The following SUMF1 variants were observed in gnomAD, a reference collection of about 807,000 sequenced individuals.
SUMF1 encodes the protein formylglycine-generating enzyme.
A neutral mutation model predicts 47.6 loss-of-function variants in SUMF1; 48 were observed. The ratio of observed to expected loss-of-function variants is 1.01; its 90% CI spans 0.80 to 1.28. The LOEUF (loss-of-function observed/expected upper bound fraction) is 1.28, where lower values mean the gene tolerates loss of function less well. Ranked by LOEUF, SUMF1 falls within the 50% of genes most tolerant of loss-of-function variation. The probability of loss-of-function intolerance (pLI) is 0.00; values close to 1 mark genes in which losing one functional copy is unlikely to be tolerated. For synonymous variants in SUMF1, 230 were observed against 192.1 expected (o/e 1.20, Z -1.63); for missense variants, 571 against 485.4 (o/e 1.18, Z -1.66).
At chr3:4,148,620 C>A (rs1426615078) in intron 8 of SUMF1, among the ~76,000 whole-genome samples, 4 of 152,184 alleles carry the variant, frequency 2.6e-5, no homozygotes, top group Non-Finnish European at 5.9e-5. Flanking sequence ...CTCCTTCTTA[C>A]TACAACTCAT....
rs1262538742 is a variant in SUMF1, at chr3:4,439,305, C to T, written c.519+9961G>A. On this transcript the variant is annotated intron_variant, in intron 3 of 8. Transcript: ENST00000272902. The stretch of plus-strand genomic sequence containing the variant: ...TTAGGAGGCTGAGGCAGGCGGATCG[C>T]TTGAACTCAGGAGTTTGGGAACAGC... Among the ~76,000 whole-genome samples the T allele has an allele frequency of 2.0e-5, 3 of 152,154 alleles. No homozygotes were observed. In the South Asian group the frequency reaches 6.2e-4, roughly 32 times the overall value.
chr3:4,461,820 CA>C (rs1184639591), intron 1 of SUMF1, among the ~76,000 whole-genome samples: 2 of 152,128 alleles, frequency 1.3e-5, no homozygotes, highest in African/African-American at 4.8e-5. Context: ...ACCAGAGAAC[CA>C]AGTGTCTCAC....
intron 8 of SUMF1, among the ~76,000 whole-genome samples, chr3:4,335,960 C>CAAAAAAAAAAAAAAAAAAAAAAAAAAAAA (rs770091674): frequency 9.5e-5 from 7 of 73,904 alleles, no homozygotes; most frequent in African/African-American, 5.0e-4. Flanking sequence ...GATTCCAACT[C>CAAAAAAAAAAAAAAAAAAAAAAAAAAAAA]AAAAAAAAAA....
intron 8 of SUMF1, among the ~76,000 whole-genome samples, chr3:4,228,429 G>A (rs1014074192): frequency 1.8e-4 from 28 of 151,848 alleles, no homozygotes; most frequent in Non-Finnish European, 7.4e-5. Flanking sequence ...GATGGCAAGT[G>A]ACAGAATACT....
chr3:4,214,038 C>A (rs980197860), intron 8 of SUMF1, among the ~76,000 whole-genome samples: 2 of 152,120 alleles, frequency 1.3e-5, no homozygotes, highest in African/African-American at 2.4e-5. Context: ...AGGACTTGAA[C>A]TCAGCTCTGG....
rs116694603 is a variant in SUMF1, at chr3:4,292,318, G to A, written c.1014+84012C>T. On this transcript the variant is annotated intron_variant and NMD_transcript_variant, in intron 8 of 12. Coordinates refer to the SUMF1 transcript ENST00000448413. Reference sequence around the variant, plus strand: ...GTCTTAAGTCATTGATTAAACGCAAGGCGTTTTGTTTAGTGGAATTTCTAC... The same window carrying A: ...GTCTTAAGTCATTGATTAAACGCAAAGCGTTTTGTTTAGTGGAATTTCTAC... Among the ~76,000 whole-genome samples the A allele has an allele frequency of 4.8e-3, 738 of 152,304 alleles. 8 individuals carry two copies. The highest frequency in any genetic ancestry group is 0.017 in the African/African-American group (715 of 41,572).
intron 8 of SUMF1, among the ~76,000 whole-genome samples, chr3:4,198,181 A>G (rs952894736): frequency 2.0e-5 from 3 of 152,234 alleles, no homozygotes; most frequent in East Asian, 1.9e-4. Flanking sequence ...CAGTGAAGGT[A>G]TAAACAAAGA....
chr3:4,107,170 A>T lies in SUMF1; in HGVS notation c.1015-38425T>A, dbSNP rs1431507044. On this transcript the variant is annotated intron_variant and NMD_transcript_variant, in intron 8 of 12. Transcript: ENST00000448413. Reference sequence around the variant, plus strand: ...GGTGTCACTAAACTCTAAGTTGAGAATTGTTCTTGGTTTTCAGATAAACAG... The same window carrying T: ...GGTGTCACTAAACTCTAAGTTGAGATTTGTTCTTGGTTTTCAGATAAACAG... Among the ~76,000 whole-genome samples, 4 of 152,202 alleles carry T rather than the reference A, an allele frequency of 2.6e-5. No individual in the cohort carries two copies. The East Asian group carries it at 7.7e-4, about 29-fold the overall frequency.
At chr3:4,339,964 C>A (rs1391709301) in intron 8 of SUMF1, among the ~76,000 whole-genome samples, 4 of 152,066 alleles carry the variant, frequency 2.6e-5, no homozygotes, top group African/African-American at 9.7e-5. Flanking sequence ...GTGGTCCCAG[C>A]CACTCGGGAG....
intron 8 of SUMF1, among the ~76,000 whole-genome samples, chr3:4,174,591 G>A (rs191615709): frequency 4.9e-4 from 74 of 152,076 alleles, no homozygotes; most frequent in African/African-American, 1.6e-3. Flanking sequence ...AATAGGAACA[G>A]CTCCAATCTG....
downstream of SUMF1, among the ~76,000 whole-genome samples, chr3:4,358,521 C>G (rs1699672750): frequency 6.6e-6 from 1 of 152,172 alleles, no homozygotes; most frequent in Non-Finnish European, 1.5e-5. Context: ...CATGTTGGAT[C>G]ACATGTGGTT....
chr3:4,038,683 T>A (rs1216744405), intron 9 of SUMF1, among the ~76,000 whole-genome samples: 1 of 152,072 alleles, frequency 6.6e-6, no homozygotes, highest in Non-Finnish European at 1.5e-5. Flanking sequence ...TAAGCTCAGG[T>A]GTAGCCCTCA....
At chr3:4,417,927 G>A in intron 5 of SUMF1, 83 bp downstream of exon 5, 1 of 1,604,864 alleles carries the variant, frequency 6.2e-7, no homozygotes, top group African/African-American at 1.3e-5. Flanking sequence ...TCTAACCAAA[G>A]TAAGTTCCAT....
intron 8 of SUMF1, among the ~76,000 whole-genome samples, chr3:4,102,946 G>A (rs1312218302): frequency 1.3e-5 from 2 of 150,890 alleles, no homozygotes; most frequent in African/African-American, 4.9e-5. Flanking sequence ...AATTTGAGAT[G>A]GAATCTCACT....
intron 8 of SUMF1, among the ~76,000 whole-genome samples, chr3:4,282,330 C>T (rs1313928582): frequency 6.6e-6 from 1 of 152,112 alleles, no homozygotes; most frequent in East Asian, 1.9e-4. Flanking sequence ...TAATAAAATA[C>T]AGTACTAAGA....
intron 8 of SUMF1, among the ~76,000 whole-genome samples, chr3:4,244,507 G>T (rs985099579): frequency 2.0e-5 from 3 of 151,984 alleles, no homozygotes; most frequent in African/African-American, 4.8e-5. Flanking sequence ...ATTTCTCCTT[G>T]GCTTATGAAG....
chr3:4,357,337 G>GAAATCA (rs1699642146), downstream of SUMF1, among the ~76,000 whole-genome samples: 1 of 104,496 alleles, frequency 9.6e-6, no homozygotes, highest in African/African-American at 5.3e-5. Flanking sequence ...AGATATTCCT[G>GAAATCA]AATATGGATT....
intron 3 of SUMF1, among the ~76,000 whole-genome samples, chr3:4,441,089 G>A (rs1702571816): frequency 6.6e-6 from 1 of 152,136 alleles, no homozygotes; most frequent in South Asian, 2.1e-4. Flanking sequence ...AACAGCAGGA[G>A]GTGAGTGGCA....
chr3:4,211,169 C>T (rs1695778767), intron 8 of SUMF1, among the ~76,000 whole-genome samples: 1 of 117,452 alleles, frequency 8.5e-6, no homozygotes, highest in African/African-American at 3.3e-5. Flanking sequence ...CATATATATA[C>T]ACACATATAT....
Sources: gnomAD v4.1 joint callset for allele counts (sites outside exome capture counted in the v4.1 genomes callset) on GRCh38, gnomAD v4.1.1 for gene constraint, MANE v1.5 for transcripts, NCBI Gene and HGNC (gene_info 2026-07-23, HGNC 2026-07-21) for gene names.